The following NWD2 variants were observed in gnomAD, a reference collection of about 807,000 sequenced individuals.
NWD2 encodes NACHT and WD repeat domain-containing protein 2.
A neutral mutation model predicts 132.7 loss-of-function variants in NWD2; 37 were observed. The ratio of observed to expected loss-of-function variants is 0.28; its 90% CI spans 0.21 to 0.37. The LOEUF (loss-of-function observed/expected upper bound fraction) is 0.37, where lower values mean the gene tolerates loss of function less well. Among genes scored for constraint, NWD2 ranks in the 10% least tolerant of loss-of-function variants. NWD2 has a pLI of 1.00. For synonymous variants in NWD2, 705 were observed against 803.0 expected, an observed-to-expected ratio of 0.88 and a Z score of 2.06; for missense variants, 1,592 against 2,122.4, an observed-to-expected ratio of 0.75 and a Z score of 4.91.
chr4:37,246,009 A>G (rs1025652143), intron 1 of NWD2, among the ~76,000 whole-genome samples: 1 of 152,168 alleles, frequency 6.6e-6, no homozygotes, highest in African/African-American at 2.4e-5. Flanking sequence ...TTAGTCCTCA[A>G]CGTTAGATTT....
At chr4:37,391,754 C>A (rs1378391025) in intron 3 of NWD2, among the ~76,000 whole-genome samples, 1 of 152,210 alleles carries the variant, frequency 6.6e-6, no homozygotes, top group African/African-American at 2.4e-5. Context: ...GACATGGAGA[C>A]CTCGCTGGGT....
chr4:37,295,182 G>GTT (rs957416488), intron 1 of NWD2, among the ~76,000 whole-genome samples: 3 of 149,078 alleles, frequency 2.0e-5, no homozygotes, highest in Non-Finnish European at 4.5e-5. Context: ...TTTCAGCTTA[G>GTT]TTTTTTTTTT....
At chr4:37,390,423 CAGTG>C (rs1410413903) in intron 3 of NWD2, among the ~76,000 whole-genome samples, 1 of 136,698 alleles carries the variant, frequency 7.3e-6, no homozygotes, top group Non-Finnish European at 1.6e-5. Context: ...TTTTTTTTGA[CAGTG>C]AGTTATTTTT....
intron 1 of NWD2, among the ~76,000 whole-genome samples, chr4:37,279,908 A>G (rs1001157802): frequency 1.2e-4 from 19 of 152,204 alleles, no homozygotes; most frequent in Admixed American, 3.9e-4. Context: ...ATCATTTCAT[A>G]ATTCATAGAG....
At chr4:37,281,118 AG>A (rs778173247) in intron 1 of NWD2, among the ~76,000 whole-genome samples, 1 of 152,210 alleles carries the variant, frequency 6.6e-6, no homozygotes, top group Non-Finnish European at 1.5e-5. Context: ...GGACAGTCCA[AG>A]GGGGGGACAT....
At chr4:37,286,874 G>A (rs1431307463) in intron 1 of NWD2, among the ~76,000 whole-genome samples, 1 of 152,076 alleles carries the variant, frequency 6.6e-6, no homozygotes, top group African/African-American at 2.4e-5. Flanking sequence ...ATGGGGTGCG[G>A]GGCCAAGATG....
intron 2 of NWD2, among the ~76,000 whole-genome samples, chr4:37,348,675 T>TATATATATATATACAC (rs1308407988): frequency 2.2e-3 from 50 of 22,552 alleles, no homozygotes; most frequent in East Asian, 5.6e-3. Flanking sequence ...TATATATATA[T>TATATATATATATACAC]ACACACACAC....
rs1560258796 is a variant in NWD2 at position 37,447,409 on chromosome 4, A to G, written c.*192A>G. 1.7e-6 allele frequency: 1 copy of G among 585,954 alleles called. No homozygotes were observed. The highest frequency in any genetic ancestry group is 2.8e-5 in the East Asian group (1 of 35,676). The allele number at this position is 585,954 out of a possible 1,614,324, so 36.3% of individuals were successfully genotyped here. ...GGTCTTTTTGTCAAAGTGTATCCAG[A>G]ATGTCAGAATTTCTAGTAGTAATAT... On this transcript the variant is annotated 3_prime_UTR_variant, in exon 7 of 7. Transcript: ENST00000309447.
chr4:37,442,367 T>A (rs183482831), intron 6 of NWD2, among the ~76,000 whole-genome samples: 3 of 152,202 alleles, frequency 2.0e-5, no homozygotes, highest in African/African-American at 7.2e-5. Context: ...AAGACTAAAC[T>A]TAGTGGGCTC....
intron 1 of NWD2, among the ~76,000 whole-genome samples, chr4:37,299,412 G>C (rs377507717): frequency 3.0e-4 from 46 of 152,092 alleles, no homozygotes; most frequent in African/African-American, 1.1e-3. Flanking sequence ...CTCTTCTGCT[G>C]TACTCTATAT....
intron 3 of NWD2, among the ~76,000 whole-genome samples, chr4:37,369,243 A>G (rs1720167535): frequency 6.6e-6 from 1 of 152,122 alleles, no homozygotes; most frequent in African/African-American, 2.4e-5. Context: ...AGAATGAATA[A>G]TATTTTCTGT....
chr4:37,287,106 G>A (rs1243262615), intron 1 of NWD2, among the ~76,000 whole-genome samples: 1 of 152,216 alleles, frequency 6.6e-6, no homozygotes, highest in Admixed American at 6.5e-5. Flanking sequence ...GAGGCACAGA[G>A]TGAGTATGCT....
chr4:37,396,816 T>C (rs1212278049), intron 3 of NWD2, among the ~76,000 whole-genome samples: 1 of 152,116 alleles, frequency 6.6e-6, no homozygotes, highest in Non-Finnish European at 1.5e-5. Context: ...GTGGATCAAC[T>C]GAGGTCAGGA....
intron 3 of NWD2, among the ~76,000 whole-genome samples, chr4:37,359,703 C>T (rs142482536): frequency 6.2e-4 from 95 of 152,290 alleles, no homozygotes; most frequent in African/African-American, 2.2e-3. Flanking sequence ...TTTAAACACC[C>T]AGGGAATTGA....
At position 37,349,552 on chromosome 4, in the gene NWD2, T is replaced by A. The variant is rs1719720230; in HGVS notation, c.241-6814T>A. Among the ~76,000 whole-genome samples, 4 of 152,134 alleles carry A rather than the reference T, an allele frequency of 2.6e-5. No homozygotes were observed. In the South Asian group the frequency reaches 8.3e-4, roughly 32 times the overall value. On this transcript the variant is annotated intron_variant, in intron 2 of 6. Coordinates refer to ENST00000309447, the MANE Select transcript of NWD2 (RefSeq NM_001144990.2). ...GGTTGTTTGTTTTTTATCTTGTAAA[T>A]TTGTTTAAGTTCCTTATGGATGCTG...
At chr4:37,355,932 A>C (rs1252704977) in intron 2 of NWD2, among the ~76,000 whole-genome samples, 5 of 152,020 alleles carry the variant, frequency 3.3e-5, no homozygotes, top group Non-Finnish European at 7.4e-5. Context: ...TAGGTGTTTG[A>C]CTTGAAATCA....
chr4:37,380,065 G>C (rs1720422875), intron 3 of NWD2, among the ~76,000 whole-genome samples: 1 of 152,244 alleles, frequency 6.6e-6, no homozygotes, highest in Non-Finnish European at 1.5e-5. Flanking sequence ...TTCATTGATT[G>C]CTTCTAGTGA....
At chr4:37,402,213 C>T (rs1413960185) in intron 3 of NWD2, among the ~76,000 whole-genome samples, 1 of 152,194 alleles carries the variant, frequency 6.6e-6, no homozygotes, top group Non-Finnish European at 1.5e-5. Flanking sequence ...TTGGACTTCT[C>T]AGCCTCCAGA....
intron 2 of NWD2, among the ~76,000 whole-genome samples, chr4:37,351,765 T>C (rs985415443): frequency 5.9e-5 from 9 of 152,194 alleles, no homozygotes; most frequent in African/African-American, 1.9e-4. Context: ...TTACTTGTGA[T>C]GTTAGGGTGT....
Sources: gnomAD v4.1 joint callset for allele counts (sites outside exome capture counted in the v4.1 genomes callset) on GRCh38, gnomAD v4.1.1 for gene constraint, MANE v1.5 for transcripts, NCBI Gene and HGNC (gene_info 2026-07-23, HGNC 2026-07-21) for gene names.